The following ANXA8 variants were observed in gnomAD, a reference collection of about 807,000 sequenced individuals.
ANXA8 encodes VAC-beta.
In ANXA8, 9 loss-of-function variants were observed where a neutral mutation model predicts 26.8. The ratio of observed to expected loss-of-function variants is 0.34; its 90% CI spans 0.20 to 0.59. The LOEUF is 0.59. Ranked by LOEUF, ANXA8 falls within the 20% of genes least tolerant of loss-of-function variation. ANXA8 has a pLI of 0.84. For missense variants in ANXA8, 83 were observed against 238.5 expected, an observed-to-expected ratio of 0.35 and a Z score of 4.29; for synonymous variants, 39 against 94.8, an observed-to-expected ratio of 0.41 and a Z score of 3.42.
chr10:47,891,204 TA>T, the ANXA8 span, among the ~76,000 whole-genome samples: 39 of 134,914 alleles, frequency 2.9e-4, no homozygotes, highest in African/African-American at 9.8e-4. Flanking sequence ...CCTTAAAGAT[TA>T]AAAAAAATTC....
chr10:47,944,397 G>A, the ANXA8 span, among the ~76,000 whole-genome samples: 1 of 149,288 alleles, frequency 6.7e-6, no homozygotes, highest in African/African-American at 2.5e-5. Flanking sequence ...CCAAGTGAAT[G>A]TCCACACCCA....
intron 6 of ANXA8, among the ~76,000 whole-genome samples, 158 bp downstream of exon 6, chr10:47,475,335 C>T (rs1839493265): frequency 6.6e-6 from 1 of 152,078 alleles, no homozygotes; most frequent in African/African-American, 2.4e-5. Flanking sequence ...GCAGTTGGGA[C>T]CCTCTAACCA....
chr10:47,714,553 C>T, the ANXA8 span, among the ~76,000 whole-genome samples: 1 of 78,770 alleles, frequency 1.3e-5, no homozygotes, highest in East Asian at 1.3e-3. Flanking sequence ...GAGAATATAA[C>T]AGTAACAAGG....
the ANXA8 span, chr10:47,565,945 GC>G: frequency 4.9e-5 from 73 of 1,495,112 alleles, 2 homozygotes; most frequent in African/African-American, 8.3e-4. Flanking sequence ...AGGGGCGCGC[GC>G]GCGGCGAGGA....
At chr10:47,566,068 ATATATAT>A in the ANXA8 span, 2 of 514,522 alleles carry the variant, frequency 3.9e-6, no homozygotes, top group Non-Finnish European at 6.1e-6. Flanking sequence ...GCAGTTATAA[ATATATAT>A]TATATATAAT....
the ANXA8 span, among the ~76,000 whole-genome samples, chr10:47,763,794 G>T: frequency 8.4e-4 from 125 of 148,706 alleles, no homozygotes; most frequent in African/African-American, 2.5e-3. Context: ...TGTGTGTGGG[G>T]GGGGGAGGGG....
the ANXA8 span, among the ~76,000 whole-genome samples, chr10:47,627,802 C>A: frequency 4.0e-5 from 6 of 149,362 alleles, no homozygotes; most frequent in Non-Finnish European, 7.4e-5. Flanking sequence ...ATTAAAGTGG[C>A]AAATGTGTCC....
At chr10:47,761,607 GC>G in the ANXA8 span, 5 of 1,311,428 alleles carry the variant, frequency 3.8e-6, no homozygotes. Flanking sequence ...AGCAGCAGCA[GC>G]CCCCCGATGG....
At chr10:47,664,210 T>C in the ANXA8 span, among the ~76,000 whole-genome samples, 1 of 151,812 alleles carries the variant, frequency 6.6e-6, no homozygotes, top group Non-Finnish European at 1.5e-5. Flanking sequence ...ACCCCGTCTC[T>C]ACTAAAAATA....
chr10:47,943,654 G>A, the ANXA8 span, among the ~76,000 whole-genome samples: 2 of 151,628 alleles, frequency 1.3e-5, no homozygotes, highest in Non-Finnish European at 1.5e-5. Context: ...GAGGGCTTTG[G>A]GCTACAGGTG....
the ANXA8 span, among the ~76,000 whole-genome samples, chr10:47,671,814 T>C: frequency 2.6e-5 from 4 of 151,904 alleles, no homozygotes; most frequent in Non-Finnish European, 5.9e-5. Flanking sequence ...ACAGAAAATC[T>C]CTAGCAATGG....
At chr10:47,581,901 C>A in the ANXA8 span, among the ~76,000 whole-genome samples, 1 of 146,286 alleles carries the variant, frequency 6.8e-6, no homozygotes. Flanking sequence ...CACCGTGCCC[C>A]GCCAATGCTA....
chr10:47,701,702 C>T, the ANXA8 span, among the ~76,000 whole-genome samples: 16 of 151,464 alleles, frequency 1.1e-4, 1 homozygote, highest in African/African-American at 3.9e-4. Context: ...AAGGATAAAC[C>T]AGAAACTAAA....
chr10:47,744,492 G>C, the ANXA8 span, among the ~76,000 whole-genome samples: 3 of 147,900 alleles, frequency 2.0e-5, no homozygotes, highest in Non-Finnish European at 4.5e-5. Flanking sequence ...CTACTACAGC[G>C]GTAAGGGCTA....
At chr10:47,567,850 A>C in the ANXA8 span, 1 of 315,484 alleles carries the variant, frequency 3.2e-6, no homozygotes, top group Non-Finnish European at 6.1e-6. Context: ...TCAGAAATTC[A>C]AGCTTAAAGC....
the ANXA8 span, among the ~76,000 whole-genome samples, chr10:47,748,204 CTTTT>C: frequency 5.0e-4 from 74 of 148,770 alleles, no homozygotes; most frequent in African/African-American, 1.7e-3. Context: ...GCACACTATA[CTTTT>C]TTTTTATTAT....
chr10:47,624,163 A>T, the ANXA8 span, among the ~76,000 whole-genome samples: 5,058 of 96,776 alleles, frequency 0.052, 1,366 homozygotes, highest in African/African-American at 0.21. Context: ...AATGGCGTGA[A>T]CCCAGGAGGC....
At chr10:47,967,594 A>G in the ANXA8 span, among the ~76,000 whole-genome samples, 1 of 89,314 alleles carries the variant, frequency 1.1e-5, no homozygotes, top group Middle Eastern at 4.1e-3. Context: ...GCCTGTGCCC[A>G]TGACCAGCCA....
At chr10:47,484,362 G>T, upstream of ANXA8, 1 of 819,794 alleles carries the variant, frequency 1.2e-6, no homozygotes, top group Non-Finnish European at 1.9e-6. Context: ...GGGATTACAG[G>T]CATGAGCCAC....
Sources: allele counts gnomAD v4.1 joint callset (sites outside exome capture counted in the v4.1 genomes callset), GRCh38; gene constraint gnomAD v4.1.1; transcripts MANE v1.5; gene names NCBI Gene and HGNC (gene_info 2026-07-23, HGNC 2026-07-21).